The following IARS1 variants were observed in gnomAD, a reference collection of about 807,000 sequenced individuals.
IARS1 encodes isoleucyl-tRNA synthetase 1.
In IARS1, 124 loss-of-function variants were observed where a neutral mutation model predicts 168.2. The ratio of observed to expected loss-of-function variants is 0.74; its 90% confidence interval spans 0.64 to 0.86. IARS1 has a LOEUF of 0.86. Among genes scored for constraint, IARS1 ranks in the 40% least tolerant of loss-of-function variants. The probability of loss-of-function intolerance (pLI) is 0.00; values close to 1 mark genes in which losing one functional copy is unlikely to be tolerated. For synonymous variants in IARS1, 532 were observed against 529.4 expected (o/e 1.00, Z -0.07); for missense variants, 1,452 against 1,515.8 (o/e 0.96, Z 0.70).
rs1826152011 is a variant in IARS1 at position 92,228,754 on chromosome 9, G to C, written c.3409+247C>G. Among the ~76,000 whole-genome samples the C allele has an allele frequency of 2.0e-5, 3 of 152,228 alleles. No individual in the cohort carries two copies. The South Asian group carries it at 6.2e-4, about 32-fold the overall frequency. On this transcript the variant is annotated intron_variant, in intron 31 of 33. Transcript: ENST00000443024. Reference sequence around the variant, plus strand: ...CTCACAACAGAGGACTCTGAAGCCTGAAGTCCACCAGCTAGCTAACAGGTG... The same window carrying C: ...CTCACAACAGAGGACTCTGAAGCCTCAAGTCCACCAGCTAGCTAACAGGTG...
intron 33 of IARS1, among the ~76,000 whole-genome samples, chr9:92,211,322 G>C (rs1306003604): frequency 6.6e-6 from 1 of 151,984 alleles, no homozygotes; most frequent in African/African-American, 2.4e-5. Flanking sequence ...AGGGATGAGA[G>C]GAAGAAACAT....
intron 20 of IARS1, among the ~76,000 whole-genome samples, chr9:92,256,128 T>C (rs1040429946): frequency 6.6e-6 from 1 of 151,662 alleles, no homozygotes; most frequent in Non-Finnish European, 1.5e-5. Flanking sequence ...TCTAAAGCTC[T>C]TCTGTGGAGC....
chr9:92,264,294 C>T (rs1831960459), intron 16 of IARS1, among the ~76,000 whole-genome samples: 2 of 151,468 alleles, frequency 1.3e-5, no homozygotes, highest in South Asian at 4.2e-4. Flanking sequence ...GAGATCACAC[C>T]CCTGCACTCC....
At chr9:92,214,605 T>C (rs889148854) in intron 33 of IARS1, among the ~76,000 whole-genome samples, 5 of 152,190 alleles carry the variant, frequency 3.3e-5, no homozygotes, top group African/African-American at 1.2e-4. Context: ...ATTGCCTCAC[T>C]TGGGAAGTGC....
At chr9:92,224,316 A>G (rs1825289813) in intron 31 of IARS1, among the ~76,000 whole-genome samples, 1 of 152,096 alleles carries the variant, frequency 6.6e-6, no homozygotes, top group South Asian at 2.1e-4. Flanking sequence ...ATGGGTGGAA[A>G]TCCTCCCAAT....
At chr9:92,292,410 T>C (rs539337847) in intron 1 of IARS1, 1 of 153,776 alleles carries the variant, frequency 6.5e-6, no homozygotes, top group East Asian at 1.9e-4. Flanking sequence ...CACTGCATTA[T>C]TACGTCAAGC....
intron 30 of IARS1, among the ~76,000 whole-genome samples, chr9:92,238,503 G>C (rs773548668): frequency 6.6e-6 from 1 of 152,144 alleles, no homozygotes; most frequent in Non-Finnish European, 1.5e-5. Context: ...CTTCTGTAAA[G>C]CAGAGTAAAA....
At position 92,270,546 on chromosome 9, in the gene IARS1, G is replaced by A. The variant is rs954173555; in HGVS notation, c.1205+439C>T. The stretch of plus-strand genomic sequence containing the variant: ...GCTGTGGCTCATGCCTGTAATCTCA[G>A]CACTTTGGGAGGACAAGGTGGGAGG... On this transcript the variant is annotated intron_variant, in intron 12 of 33. Transcript: ENST00000443024. 2.6e-5 allele frequency among the ~76,000 whole-genome samples: 4 copies of A among 152,116 alleles called. 1 individual carries two copies. The highest frequency in any genetic ancestry group is 5.9e-5 in the Non-Finnish European group (4 of 68,024).
At chr9:92,272,751 T>G (rs919336580) in intron 10 of IARS1, among the ~76,000 whole-genome samples, 16 of 151,434 alleles carry the variant, frequency 1.1e-4, no homozygotes, top group African/African-American at 1.7e-4. Context: ...CTTGGCAGGC[T>G]GAGGCAGGAG....
intron 30 of IARS1, among the ~76,000 whole-genome samples, chr9:92,235,943 T>G (rs1259145475): frequency 1.3e-5 from 2 of 152,194 alleles, no homozygotes; most frequent in African/African-American, 4.8e-5. Context: ...TTGGGAAGAA[T>G]TTTACATTTA....
intron 30 of IARS1, among the ~76,000 whole-genome samples, chr9:92,235,448 G>A (rs1044348906): frequency 2.6e-5 from 4 of 151,354 alleles, no homozygotes; most frequent in African/African-American, 9.7e-5. Context: ...TTGATCAAAT[G>A]CTTTTTATGA....
intron 14 of IARS1, among the ~76,000 whole-genome samples, chr9:92,265,855 C>T (rs1042294864): frequency 3.9e-5 from 6 of 151,936 alleles, no homozygotes; most frequent in South Asian, 4.2e-4. Context: ...GACAGGGTTT[C>T]GCCATGCTGC....
At chr9:92,239,327 G>A (rs1439413986) in intron 30 of IARS1, among the ~76,000 whole-genome samples, 1 of 152,048 alleles carries the variant, frequency 6.6e-6, no homozygotes, top group Non-Finnish European at 1.5e-5. Flanking sequence ...TGGAATTCTT[G>A]GTAGACAATA....
intron 5 of IARS1, 144 bp from the exon 6 acceptor site, chr9:92,285,983 T>G: frequency 1.7e-6 from 1 of 593,816 alleles, no homozygotes; most frequent in South Asian, 2.0e-5. Flanking sequence ...GCTGGTAAAT[T>G]ATAACAGATC....
At chr9:92,243,023 G>A in intron 28 of IARS1, 193 bp downstream of exon 28, 1 of 493,786 alleles carries the variant, frequency 2.0e-6, no homozygotes, top group Non-Finnish European at 3.7e-6. Flanking sequence ...TGAAAGCTAC[G>A]ACTTGGGAGT....
intron 10 of IARS1, among the ~76,000 whole-genome samples, chr9:92,273,428 G>GA (rs1448131071): frequency 6.6e-6 from 1 of 152,172 alleles, no homozygotes; most frequent in Non-Finnish European, 1.5e-5. Context: ...CGAAAGACAT[G>GA]AGGATGAGGA....
In IARS1 at chr9:92,258,850, A is replaced by G. The variant is rs768109760; in HGVS notation, c.2016+4T>C. 9 of 1,604,142 alleles carry G rather than the reference A, an allele frequency of 5.6e-6. No individual in the cohort carries two copies. The East Asian group carries it at 1.8e-4, about 32-fold the overall frequency. ...GTACATGTGCAGCCCCCTACAGCCC[A>G]TACCTTCTGGAGCCTCAGAACGTTC... On this transcript the variant is annotated splice_donor_region_variant and intron_variant, in intron 19 of 33. Transcript: ENST00000443024.
intron 13 of IARS1, 120 bp from the exon 14 acceptor site, chr9:92,268,420 G>T: frequency 1.1e-6 from 1 of 937,282 alleles, no homozygotes; most frequent in Non-Finnish European, 1.6e-6. Context: ...GAAACGTGGC[G>T]CTCACTGCAA....
intron 15 of IARS1, among the ~76,000 whole-genome samples, 175 bp from the exon 16 acceptor site, chr9:92,265,298 T>C (rs192090762): frequency 6.6e-6 from 1 of 152,342 alleles, no homozygotes; most frequent in Admixed American, 6.5e-5. Context: ...TCTGAAAGGT[T>C]ATGCACCATT....
Sources: allele counts gnomAD v4.1 joint callset (sites outside exome capture counted in the v4.1 genomes callset), GRCh38; gene constraint gnomAD v4.1.1; transcripts MANE v1.5; gene names NCBI Gene and HGNC (gene_info 2026-07-23, HGNC 2026-07-21).